The following MYT1 variants were observed in gnomAD, a reference collection of about 807,000 sequenced individuals.
The protein encoded by MYT1 is myelin transcription factor I.
In MYT1, 23 loss-of-function variants were observed where a neutral mutation model predicts 123.0. That is an observed-to-expected ratio of 0.19 (90% CI 0.13 to 0.26). MYT1 has a LOEUF of 0.26. MYT1 is among the 10% of genes least tolerant of loss of function. The pLI is 1.00. For synonymous variants in MYT1, 518 were observed against 575.3 expected (o/e 0.90, Z 1.43); for missense variants, 1,125 against 1,472.5 (o/e 0.76, Z 3.86).
chr20:64,217,154 G>C lies in MYT1; in HGVS notation c.1719G>C (p.Leu573Phe), dbSNP rs1568714726. The change falls in exon 11 of 23, where the codon TTG (leucine) becomes TTC (phenylalanine). Residue 573 changes from leucine (L) to phenylalanine (F), a missense_variant. Leu to Phe is a conservative substitution (Grantham distance 22). This residue lies in a region of MYT1 where 429 missense variants were observed against 604.1 expected (regional missense o/e 0.71). Transcript: ENST00000328439. ...NVAPATPRAN[L>F]AKELEKFSKV... ...CCCCCGCCACACCCAGGGCCAACTT[G>C]GCCAAGGAGCTGGAGAAGTTCTCCA... The C allele has an allele frequency of 1.2e-6, 2 of 1,614,226 alleles. No homozygotes were observed. Among genetic ancestry groups the C allele is most frequent in the East Asian group, 2.2e-5 (1 of 44,882 alleles).
At chr20:64,172,018 C>T (rs988346337) in intron 1 of MYT1, among the ~76,000 whole-genome samples, 1 of 152,214 alleles carries the variant, frequency 6.6e-6, no homozygotes. Flanking sequence ...CCTGCCAGCC[C>T]CTCCTACTGG....
chr20:64,204,773 G>A (rs1983430356), intron 4 of MYT1, among the ~76,000 whole-genome samples: 1 of 152,252 alleles, frequency 6.6e-6, no homozygotes, highest in African/African-American at 2.4e-5. Context: ...TGGAATGCCT[G>A]CCGTGGGGAG....
At chr20:64,173,638 A>G (rs1982362828) in intron 1 of MYT1, among the ~76,000 whole-genome samples, 3 of 150,100 alleles carry the variant, frequency 2.0e-5, no homozygotes, top group Admixed American at 1.3e-4. Context: ...CTCCTGCAGC[A>G]TCTTTCCTTG....
rs1982141488 is a variant in MYT1, at chr20:64,168,160, A to G, written c.-99+3421A>G. Among the ~76,000 whole-genome samples the G allele has an allele frequency of 6.6e-6, 1 of 152,260 alleles. No homozygotes were observed. The highest frequency in any genetic ancestry group is 2.4e-5 in the African/African-American group (1 of 41,468). On this transcript the variant is annotated intron_variant, in intron 1 of 22. Coordinates refer to ENST00000328439, the MANE Select transcript of MYT1 (RefSeq NM_004535.3). The surrounding 1 kb of genome is among the most constrained non-coding windows in gnomAD (Gnocchi z 6.1). ...AACATCACTTTAAAAAACTCAAAACAAAAATGAGCAAGAGGAATTTCACCG... is the reference window on the plus strand; with the variant it reads ...AACATCACTTTAAAAAACTCAAAACGAAAATGAGCAAGAGGAATTTCACCG...
chr20:64,216,207 C>A (rs1311039056), intron 10 of MYT1, among the ~76,000 whole-genome samples: 1 of 152,196 alleles, frequency 6.6e-6, no homozygotes, highest in East Asian at 1.9e-4. Context: ...AGACTGAAGT[C>A]ATTGCTTGGT....
intron 20 of MYT1, 151 bp from the exon 21 acceptor site, chr20:64,237,136 G>A (rs1221110611): frequency 1.6e-6 from 1 of 610,728 alleles, no homozygotes; most frequent in Non-Finnish European, 2.9e-6. Flanking sequence ...TGTGGGGTAT[G>A]AGCCCCAGAG....
chr20:64,188,378 T>C (rs1982872528), intron 1 of MYT1, among the ~76,000 whole-genome samples: 1 of 152,136 alleles, frequency 6.6e-6, no homozygotes, highest in Non-Finnish European at 1.5e-5. Context: ...ACATATGTAA[T>C]GGTAACAAGG....
chr20:64,233,165 C>T (rs952719411), intron 19 of MYT1, among the ~76,000 whole-genome samples: 1 of 128,400 alleles, frequency 7.8e-6, no homozygotes, highest in African/African-American at 3.0e-5. Flanking sequence ...CTTCCTCCTT[C>T]CCTTTCCCTC....
chr20:64,170,891 A>AAT (rs1982249995), intron 1 of MYT1, among the ~76,000 whole-genome samples: 1 of 47,744 alleles, frequency 2.1e-5, no homozygotes, highest in African/African-American at 9.9e-5. Flanking sequence ...ATATAGAGAG[A>AAT]GAGAGAGAGA....
intron 1 of MYT1, among the ~76,000 whole-genome samples, chr20:64,179,170 G>A (rs994024336): frequency 2.0e-5 from 3 of 150,478 alleles, no homozygotes; most frequent in Admixed American, 6.6e-5. Context: ...TGGGAGCACT[G>A]AGCCGTTATT....
rs1173547600 is a variant in MYT1, at chr20:64,223,133, G to A, written c.2419G>A (p.Gly807Ser). ...LLTCPTPGCD[G>S]SGHITGNYAS... is the part of the protein sequence containing the mutation. ...CAGCTGTCCCACCCCTGGCTGTGAC[G>A]GCAGCGGCCACATCACCGGGAACTA... Residue 807 changes from glycine (G) to serine (S), a missense_variant, in exon 15 of 23, where the codon GGC becomes AGC. This residue lies in a region of MYT1 where 47 missense variants were observed against 113.1 expected (regional missense o/e 0.42). Coordinates refer to ENST00000328439, the MANE Select transcript of MYT1 (RefSeq NM_004535.3). 1.9e-6 allele frequency: 3 copies of A among 1,614,164 alleles called. No homozygotes were observed. Among genetic ancestry groups the A allele is most frequent in the Admixed American group, 1.7e-5 (1 of 60,018 alleles).
At chr20:64,237,244 G>T (rs1373819250) in intron 20 of MYT1, 43 bp from the exon 21 acceptor site, 3 of 1,563,208 alleles carry the variant, frequency 1.9e-6, no homozygotes, top group African/African-American at 1.3e-5. Flanking sequence ...GCCCAGGCCT[G>T]CCTGAGGCCC....
Position 64,239,630 on chromosome 20 carries a change from G to T in MYT1, c.3094-130G>T, listed in dbSNP as rs577786296. ...TGGCAGAACCCCCTACAGGAAGGCA[G>T]GGTCCCTGCCTCTTCCCCCACCCCA... On this transcript the variant is annotated intron_variant, in intron 21 of 22. Transcript: ENST00000328439. 6.0e-6 allele frequency: 8 copies of T among 1,339,136 alleles called. No individual in the cohort carries two copies. In the East Asian group the frequency reaches 1.9e-4, roughly 32 times the overall value. The allele number at this position is 1,339,136 out of a possible 1,614,324, so 83.0% of individuals were successfully genotyped here.
At chr20:64,237,539 T>C in intron 21 of MYT1, 149 bp downstream of exon 21, 1 of 642,804 alleles carries the variant, frequency 1.6e-6, no homozygotes. Context: ...ACAGGCACAC[T>C]TAGGACGTGC....
chr20:64,222,173 C>G (rs998686015), intron 14 of MYT1, 126 bp downstream of exon 14: 1 of 1,028,416 alleles, frequency 9.7e-7, no homozygotes, highest in Non-Finnish European at 1.4e-6. Flanking sequence ...CTGACCACCT[C>G]GAGCCAGGCA....
chr20:64,228,942 C>T (rs1332043279), intron 18 of MYT1, among the ~76,000 whole-genome samples: 1 of 152,212 alleles, frequency 6.6e-6, no homozygotes, highest in Non-Finnish European at 1.5e-5. Flanking sequence ...GTGTTACCTG[C>T]TGGGCCAAGA....
chr20:64,166,264 T>G lies in MYT1; in HGVS notation c.-99+1525T>G, dbSNP rs1982080024. Among the ~76,000 whole-genome samples the G allele has an allele frequency of 6.6e-6, 1 of 152,202 alleles. No homozygotes were observed. The highest frequency in any genetic ancestry group is 2.1e-4 in the South Asian group (1 of 4,832). ...TGTCTCCCTCGGTAGCTGTTCCTTGTGCAGAGGAGGCTGGGTCAGGGCTTA... is the reference window on the plus strand; with the variant it reads ...TGTCTCCCTCGGTAGCTGTTCCTTGGGCAGAGGAGGCTGGGTCAGGGCTTA... On this transcript the variant is annotated intron_variant, in intron 1 of 22. Coordinates refer to ENST00000328439, the MANE Select transcript of MYT1 (RefSeq NM_004535.3). This position sits in a 1 kb window ranked among gnomAD's most constrained non-coding sequence, Gnocchi z 4.9.
intron 1 of MYT1, among the ~76,000 whole-genome samples, chr20:64,165,675 A>C (rs1042603165): frequency 4.6e-5 from 7 of 152,116 alleles, no homozygotes; most frequent in African/African-American, 1.7e-4. Flanking sequence ...TTGGGTGTTT[A>C]ATTTTGGAAA....
At position 64,203,335 on chromosome 20, in the gene MYT1, GC is replaced by G. The variant is rs1206968381; in HGVS notation, c.87-1699del. ...AGCTTCAAATCCCCATTAACAAGGA[GC>G]TTTTTTGTGAAAAGTCCCAAAGCTA... is the stretch of plus-strand genomic sequence containing the variant. On this transcript the variant is annotated intron_variant, in intron 4 of 22. Transcript: ENST00000328439. This position sits in a 1 kb window ranked among gnomAD's most constrained non-coding sequence, Gnocchi z 5.1. Among the ~76,000 whole-genome samples, 2 of 152,208 alleles carry G rather than the reference GC, an allele frequency of 1.3e-5. No homozygotes were observed. Among genetic ancestry groups the G allele is most frequent in the African/African-American group, 4.8e-5 (2 of 41,448 alleles).
Sources: allele counts gnomAD v4.1 joint callset (sites outside exome capture counted in the v4.1 genomes callset), GRCh38; gene constraint gnomAD v4.1.1; regional missense constraint gnomAD v4.1.1; non-coding constraint Gnocchi (gnomAD v3.1); transcripts MANE v1.5; gene names NCBI Gene and HGNC (gene_info 2026-07-23, HGNC 2026-07-21).